DLG2: variants seen among roughly 807,000 people sequenced by gnomAD.
DLG2 encodes disks large homolog 2.
Under a neutral mutation model 132.5 loss-of-function variants are expected in DLG2, and 45 were observed. The observed-to-expected ratio is 0.34, with a 90% CI of 0.27 to 0.44. The LOEUF (loss-of-function observed/expected upper bound fraction) is 0.44. Among genes scored for constraint, DLG2 ranks in the 20% least tolerant of loss-of-function variants. The pLI is 1.00. For missense variants in DLG2, 1,045 were observed against 1,196.9 expected (o/e 0.87, Z 1.87); for synonymous variants, 424 against 419.6 (o/e 1.01, Z -0.13).
At chr11:84,603,703 C>T (rs1471163871) in intron 6 of DLG2, among the ~76,000 whole-genome samples, 1 of 151,936 alleles carries the variant, frequency 6.6e-6, no homozygotes, top group African/African-American at 2.4e-5. Context: ...TCTTAGTTCT[C>T]ACAATATATC....
At chr11:84,709,207 G>C (rs2060106034) in intron 6 of DLG2, among the ~76,000 whole-genome samples, 1 of 151,936 alleles carries the variant, frequency 6.6e-6, no homozygotes, top group African/African-American at 2.4e-5. Context: ...ATCTAGCAAA[G>C]TGATGGCACT....
rs180986067 is a variant in DLG2, at chr11:83,949,424, C to G, written c.1340+13461G>C. On this transcript the variant is annotated intron_variant, in intron 14 of 27. Transcript: ENST00000376104. Reference sequence around the variant, plus strand: ...CAACAATAAAAAATAAGAATTGTTGCTCCTATGAGGATGGGGAAGGAGGAA... The same window carrying G: ...CAACAATAAAAAATAAGAATTGTTGGTCCTATGAGGATGGGGAAGGAGGAA... Among the ~76,000 whole-genome samples, 901 of 152,126 alleles carry G rather than the reference C, an allele frequency of 5.9e-3. 7 individuals are homozygous for G. The highest frequency in any genetic ancestry group is 0.048 in the Middle Eastern group (14 of 294).
intron 6 of DLG2, among the ~76,000 whole-genome samples, chr11:85,043,491 A>G (rs1207511540): frequency 1.3e-5 from 2 of 151,896 alleles, no homozygotes; most frequent in African/African-American, 4.8e-5. Context: ...CAAGGAAGCC[A>G]GCATCATTAT....
chr11:83,771,498 C>T (rs1209855607), intron 18 of DLG2, among the ~76,000 whole-genome samples: 1 of 152,126 alleles, frequency 6.6e-6, no homozygotes, highest in African/African-American at 2.4e-5. Context: ...GATGGTATAG[C>T]CTAATAGACA....
chr11:83,947,238 ATTTTTT>A (rs10719155), intron 14 of DLG2, among the ~76,000 whole-genome samples: 3 of 151,556 alleles, frequency 2.0e-5, no homozygotes, highest in Non-Finnish European at 4.4e-5. Flanking sequence ...AACATTCTAG[ATTTTTT>A]TTTTAAGTTT....
rs142790513 is a variant in DLG2 at position 84,515,055 on chromosome 11, A to G, written c.519+19515T>C. On this transcript the variant is annotated intron_variant, in intron 7 of 27. Transcript: ENST00000376104. ...AAAGCAAAAACATGATAGACACACA[A>G]AAAAATTAAAAAATAAGGAATCAAA... is the stretch of plus-strand genomic sequence containing the variant. Among the ~76,000 whole-genome samples, 155 of 152,028 alleles carry G rather than the reference A, an allele frequency of 1.0e-3. 1 individual carries two copies. The highest frequency in any genetic ancestry group is 3.4e-3 in the African/African-American group (143 of 41,524).
intron 15 of DLG2, among the ~76,000 whole-genome samples, chr11:83,892,657 T>C (rs571948042): frequency 1.6e-4 from 24 of 151,816 alleles, no homozygotes; most frequent in African/African-American, 5.8e-4. Flanking sequence ...AAATCTATGA[T>C]AGTTTTCTTA....
At chr11:84,180,531 A>C (rs762829040) in intron 8 of DLG2, among the ~76,000 whole-genome samples, 5 of 152,230 alleles carry the variant, frequency 3.3e-5, no homozygotes, top group Non-Finnish European at 4.4e-5. Context: ...CAGGAACCTC[A>C]GAGAACACCA....
chr11:83,708,742 G>T (rs757748292), intron 18 of DLG2, among the ~76,000 whole-genome samples: 9 of 151,486 alleles, frequency 5.9e-5, no homozygotes, highest in Admixed American at 1.3e-4. Context: ...CAGACTGAAG[G>T]ATCTATTTTG....
chr11:84,222,041 A>AT lies in DLG2; in HGVS notation c.573+29196dup, dbSNP rs978818312. Among the ~76,000 whole-genome samples the AT allele has an allele frequency of 1.1e-4, 16 of 151,294 alleles. 1 individual carries two copies. Among genetic ancestry groups the AT allele is most frequent in the African/African-American group, 2.9e-4 (12 of 41,200 alleles). On this transcript the variant is annotated intron_variant, in intron 8 of 27. Transcript: ENST00000376104. ...GTAAAATTTAAGTTCTATTTTTTTT[A>AT]TTTTTTTTTAAACAGACTTTCACTC... is the stretch of plus-strand genomic sequence containing the variant.
At chr11:83,717,260 G>C (rs1255397309) in intron 18 of DLG2, among the ~76,000 whole-genome samples, 1 of 152,064 alleles carries the variant, frequency 6.6e-6, no homozygotes, top group East Asian at 1.9e-4. Flanking sequence ...GCAACACTCT[G>C]CAAGTTTAAA....
chr11:84,737,360 A>T (rs910153717), intron 6 of DLG2, among the ~76,000 whole-genome samples: 4 of 152,020 alleles, frequency 2.6e-5, no homozygotes, highest in African/African-American at 9.7e-5. Context: ...TATAGGCCTC[A>T]TGTAGTGAGT....
At chr11:84,667,131 C>A (rs1334298640) in intron 6 of DLG2, among the ~76,000 whole-genome samples, 1 of 152,004 alleles carries the variant, frequency 6.6e-6, no homozygotes, top group Non-Finnish European at 1.5e-5. Context: ...ACTTCATGTT[C>A]TTATTTCCAA....
intron 16 of DLG2, among the ~76,000 whole-genome samples, chr11:83,848,503 T>C (rs1203968568): frequency 6.6e-6 from 1 of 152,200 alleles, no homozygotes; most frequent in Non-Finnish European, 1.5e-5. Context: ...CTGGGTTAAT[T>C]GTGTCTGCCC....
intron 3 of DLG2, among the ~76,000 whole-genome samples, chr11:85,511,715 T>C (rs550462899): frequency 1.6e-5 from 2 of 121,590 alleles, no homozygotes; most frequent in African/African-American, 3.1e-5. Flanking sequence ...CTGTAAATGT[T>C]TGAAGTTTCT....
At chr11:84,467,172 G>C (rs2099096736) in intron 7 of DLG2, among the ~76,000 whole-genome samples, 1 of 151,158 alleles carries the variant, frequency 6.6e-6, no homozygotes, top group Non-Finnish European at 1.5e-5. Flanking sequence ...AAAAGTTCCA[G>C]AACAAGAAAG....
chr11:85,337,256 T>G (rs2082196766), intron 3 of DLG2, among the ~76,000 whole-genome samples: 2 of 152,206 alleles, frequency 1.3e-5, no homozygotes, highest in African/African-American at 4.8e-5. Flanking sequence ...CTTTTTCTTT[T>G]TCTTTTTTGT....
chr11:85,362,001 G>T (rs941722203), intron 3 of DLG2, among the ~76,000 whole-genome samples: 2 of 152,104 alleles, frequency 1.3e-5, no homozygotes, highest in Admixed American at 6.6e-5. Flanking sequence ...ACAAAGTCTT[G>T]CTGTGTCACT....
intron 15 of DLG2, among the ~76,000 whole-genome samples, chr11:83,908,235 C>T (rs544127714): frequency 2.6e-5 from 4 of 152,246 alleles, no homozygotes; most frequent in Non-Finnish European, 5.9e-5. Context: ...ATGGTCACTA[C>T]ATGTATGAAT....
Sources: gnomAD v4.1 joint callset for allele counts (sites outside exome capture counted in the v4.1 genomes callset) on GRCh38, gnomAD v4.1.1 for gene constraint, MANE v1.5 for transcripts, NCBI Gene and HGNC (gene_info 2026-07-23, HGNC 2026-07-21) for gene names.